Variants in TSPAN9 observed in about 807,000 individuals in gnomAD.
TSPAN9 encodes tetraspanin-9.
Under a neutral mutation model 31.0 loss-of-function variants are expected in TSPAN9, and 16 were observed. That is an observed-to-expected ratio of 0.52 (90% CI 0.35 to 0.78). The LOEUF is 0.78. TSPAN9 is among the 30% of genes least tolerant of loss of function. TSPAN9 has a pLI of 0.01. For synonymous variants in TSPAN9, 145 were observed against 121.6 expected (o/e 1.19, Z -1.27); for missense variants, 272 against 312.5 (o/e 0.87, Z 0.98).
chr12:3,081,468 T>A (rs11062493), intron 1 of TSPAN9, among the ~76,000 whole-genome samples: 3,989 of 152,266 alleles, frequency 0.026, 166 homozygotes, highest in African/African-American at 0.091. Flanking sequence ...ACCTTCCTGG[T>A]TGGTTCTTCC....
chr12:3,234,015 C>G (rs190206854), intron 3 of TSPAN9, among the ~76,000 whole-genome samples: 3 of 152,108 alleles, frequency 2.0e-5, no homozygotes, highest in African/African-American at 7.2e-5. Context: ...TTACACAGAG[C>G]GGGGATGAAT....
chr12:3,118,161 A>AC lies in TSPAN9; in HGVS notation c.-18+34449dup, dbSNP rs374901459. Among the ~76,000 whole-genome samples the AC allele has an allele frequency of 4.3e-5, 6 of 139,712 alleles. No homozygotes were observed. The East Asian group carries it at 6.4e-4, about 15-fold the overall frequency. The allele number at this position is 139,712 out of a possible 152,430, so 91.7% of individuals were successfully genotyped here. ...TGAGTTGATACGTGAAGCATGTAGA[A>AC]CCCCCCCGGCATGTAGAAAATCCTC... On this transcript the variant is annotated intron_variant, in intron 2 of 8. Transcript: ENST00000011898.
At chr12:3,162,163 C>G (rs190027186) in intron 2 of TSPAN9, among the ~76,000 whole-genome samples, 37 of 152,148 alleles carry the variant, frequency 2.4e-4, no homozygotes, top group African/African-American at 7.2e-4. Flanking sequence ...GCACCTCCCC[C>G]CACTGTCTTG....
rs1401019397 is a variant in TSPAN9, at chr12:3,095,512, C to T, written c.-18+11793C>T. 1.9e-5 allele frequency among the ~76,000 whole-genome samples: 2 copies of T among 105,462 alleles called. 1 individual carries two copies. Among genetic ancestry groups the T allele is most frequent in the African/African-American group, 7.6e-5 (2 of 26,158 alleles). 69.2% of individuals were successfully genotyped at this position (105,462 alleles called of 152,430 possible). ...GCCGGGCGGGGGACTGACCCCCCCC[C>T]ACCTCCCTCCCGGACGGGGCGGCTG... is the stretch of plus-strand genomic sequence containing the variant. On this transcript the variant is annotated intron_variant, in intron 2 of 8. Coordinates refer to ENST00000011898, the MANE Select transcript of TSPAN9 (RefSeq NM_006675.5).
rs1319683560 is a variant in TSPAN9 at position 3,192,910 on chromosome 12, C to T, written c.-17-8267C>T. Among the ~76,000 whole-genome samples, 1 of 152,158 alleles carries T rather than the reference C, an allele frequency of 6.6e-6. No homozygotes were observed. Among genetic ancestry groups the T allele is most frequent in the Non-Finnish European group, 1.5e-5 (1 of 68,036 alleles). ...CACTGTAGCTAGACAGGAGCTGGTTCCATGTTGACTATAATAAGTATTGTT... is the reference window on the plus strand; with the variant it reads ...CACTGTAGCTAGACAGGAGCTGGTTTCATGTTGACTATAATAAGTATTGTT... On this transcript the variant is annotated intron_variant, in intron 2 of 8. Coordinates refer to ENST00000011898, the MANE Select transcript of TSPAN9 (RefSeq NM_006675.5). This position sits in a 1 kb window ranked among gnomAD's most constrained non-coding sequence, Gnocchi z 4.6.
At chr12:3,212,086 C>T (rs2098379038) in intron 3 of TSPAN9, among the ~76,000 whole-genome samples, 1 of 152,144 alleles carries the variant, frequency 6.6e-6, no homozygotes, top group Admixed American at 6.5e-5. Context: ...ATTCTTATGC[C>T]TCAGCCTCCC....
intron 2 of TSPAN9, among the ~76,000 whole-genome samples, chr12:3,088,059 C>T (rs545537183): frequency 6.6e-6 from 1 of 152,336 alleles, no homozygotes; most frequent in Admixed American, 6.5e-5. Context: ...TACAGGAGGG[C>T]TCAGAGGGGC....
At chr12:3,208,439 G>A (rs2098376442) in intron 3 of TSPAN9, among the ~76,000 whole-genome samples, 1 of 152,238 alleles carries the variant, frequency 6.6e-6, no homozygotes, top group South Asian at 2.1e-4. Flanking sequence ...CCCAGAAGGG[G>A]CAGCTCCACA....
chr12:3,109,017 G>A (rs887444381), intron 2 of TSPAN9, among the ~76,000 whole-genome samples: 8 of 151,784 alleles, frequency 5.3e-5, no homozygotes, highest in Admixed American at 2.0e-4. Context: ...CTCACTGCAA[G>A]CTCCGCCTCT....
chr12:3,139,307 G>A (rs1011930122), intron 2 of TSPAN9, among the ~76,000 whole-genome samples: 3 of 152,162 alleles, frequency 2.0e-5, no homozygotes, highest in Admixed American at 6.5e-5. Context: ...TCAGCAGGTG[G>A]CTGAGTAGGA....
intron 2 of TSPAN9, among the ~76,000 whole-genome samples, chr12:3,198,628 C>CCACCACCAGCACAGCT (rs1565610462): frequency 3.8e-5 from 3 of 79,804 alleles, no homozygotes; most frequent in Non-Finnish European, 7.3e-5. Flanking sequence ...CCAGCACAGG[C>CCACCACCAGCACAGCT]CACCACCAGC....
chr12:3,276,163 T>C (rs1862782061), intron 3 of TSPAN9, among the ~76,000 whole-genome samples: 1 of 134,394 alleles, frequency 7.4e-6, no homozygotes, highest in South Asian at 2.3e-4. Context: ...GGGCATCTCC[T>C]TCTTATTCCT....
intron 3 of TSPAN9, among the ~76,000 whole-genome samples, chr12:3,231,177 G>A (rs187033161): frequency 2.6e-5 from 4 of 152,228 alleles, no homozygotes; most frequent in Admixed American, 2.6e-4. Context: ...GTCTCTTATC[G>A]CCGCAGAAAG....
chr12:3,252,339 G>A (rs1291494184), intron 3 of TSPAN9, among the ~76,000 whole-genome samples: 1 of 152,212 alleles, frequency 6.6e-6, no homozygotes, highest in Non-Finnish European at 1.5e-5. Context: ...TATGGTGATG[G>A]CAGCGAGATG....
chr12:3,275,958 C>T lies in TSPAN9; in HGVS notation c.64-2463C>T, dbSNP rs117698389. ...ATCCTATTCATTCTTCAAAGCCCAG[C>T]AAGGCCTGTCAATGCCACCTTCAAA... On this transcript the variant is annotated intron_variant, in intron 3 of 8. Transcript: ENST00000011898. Among the ~76,000 whole-genome samples, 241 of 152,354 alleles carry T rather than the reference C, an allele frequency of 1.6e-3. 1 individual carries two copies. The highest frequency in any genetic ancestry group is 6.8e-3 in the Middle Eastern group (2 of 294).
chr12:3,184,786 G>A lies in TSPAN9; in HGVS notation c.-17-16391G>A, dbSNP rs1024256817. ...TGCACCCGGAGTTCCTGTTCTGTGC[G>A]TTCCTTCTCAAGCCAGCTCTCGGAG... On this transcript the variant is annotated intron_variant, in intron 2 of 8. Transcript: ENST00000011898. Among the ~76,000 whole-genome samples, 5 of 152,068 alleles carry A rather than the reference G, an allele frequency of 3.3e-5. No individual in the cohort carries two copies. In the East Asian group the frequency reaches 7.7e-4, roughly 23 times the overall value.
At chr12:3,281,974 G>A (rs983284638) in intron 8 of TSPAN9, 157 bp downstream of exon 8, 20 of 847,662 alleles carry the variant, frequency 2.4e-5, no homozygotes, top group African/African-American at 8.4e-5. Flanking sequence ...CACCGTTTCC[G>A]CAGAGCTCTG....
Position 3,077,828 on chromosome 12 carries a change from C to CAGAG in TSPAN9, c.-85+378_-85+381dup, listed in dbSNP as rs1486519787. 1.1e-4 allele frequency among the ~76,000 whole-genome samples: 17 copies of CAGAG among 152,140 alleles called. No individual in the cohort carries two copies. In the South Asian group the frequency reaches 1.5e-3, roughly 13 times the overall value. ...CTTGGGACAGTCCATACAAGGACCCCAGAGAGGGCCAGGGGGCCTTCGGGC... is the reference window on the plus strand; with the variant it reads ...CTTGGGACAGTCCATACAAGGACCCCAGAGAGAGAGGGCCAGGGGGCCTTCGGGC... On this transcript the variant is annotated intron_variant, in intron 1 of 8. Coordinates refer to ENST00000011898, the MANE Select transcript of TSPAN9 (RefSeq NM_006675.5).
chr12:3,225,006 G>C (rs2098386437), intron 3 of TSPAN9, among the ~76,000 whole-genome samples: 1 of 152,232 alleles, frequency 6.6e-6, no homozygotes, highest in Non-Finnish European at 1.5e-5. Context: ...CACTGTGTGT[G>C]CAGCTGGTGG....
Sources: allele counts gnomAD v4.1 joint callset (sites outside exome capture counted in the v4.1 genomes callset), GRCh38; gene constraint gnomAD v4.1.1; non-coding constraint Gnocchi (gnomAD v3.1); transcripts MANE v1.5; gene names NCBI Gene and HGNC (gene_info 2026-07-23, HGNC 2026-07-21).